Variants in KMT2C observed in about 807,000 individuals in gnomAD.
KMT2C encodes histone-lysine N-methyltransferase 2C.
Under a neutral mutation model 507.9 loss-of-function variants are expected in KMT2C, and 88 were observed. The observed-to-expected ratio is 0.17, with a 90% CI of 0.15 to 0.21. The LOEUF is 0.21. Ranked by LOEUF, KMT2C falls within the 10% of genes least tolerant of loss-of-function variation. The pLI is 1.00. For synonymous variants in KMT2C, 2,049 were observed against 2,080.8 expected, an observed-to-expected ratio of 0.98 and a Z score of 0.42; for missense variants, 4,954 against 5,957.8, an observed-to-expected ratio of 0.83 and a Z score of 5.55.
intron 27 of KMT2C, among the ~76,000 whole-genome samples, chr7:152,197,926 A>T (rs1788792440): frequency 6.6e-6 from 1 of 151,918 alleles, no homozygotes; most frequent in Admixed American, 6.5e-5. Flanking sequence ...GGAAAAAAAT[A>T]AATAAAGAAA....
intron 53 of KMT2C, 58 bp from the exon 54 acceptor site, chr7:152,145,353 C>A (rs2090996173): frequency 1.3e-6 from 2 of 1,558,144 alleles, no homozygotes; most frequent in African/African-American, 2.7e-5. Flanking sequence ...TACAGACAAT[C>A]TCAAGCTGGT....
Position 152,162,840 on chromosome 7 carries a change from T to C in KMT2C, c.10737A>G (p.Gly3579=), listed in dbSNP as rs978036694. 9 of 1,614,192 alleles carry C rather than the reference T, an allele frequency of 5.6e-6. No individual in the cohort carries two copies. Among genetic ancestry groups the C allele is most frequent in the Non-Finnish European group, 7.6e-6 (9 of 1,180,032 alleles). ...PCGQDSTITH[G]HSYPGSTQSL... ...ATTGGGTTGATCCCGGATAACTGTG[T>C]CCATGGGTTATAGTAGAATCTTGGC... is the stretch of plus-strand genomic sequence containing the variant. The change falls in exon 43 of 59, where the codon GGA becomes GGG. Residue 3579 remains glycine (G), a synonymous_variant. Coordinates refer to ENST00000262189, the MANE Select transcript of KMT2C (RefSeq NM_170606.3).
In KMT2C at chr7:152,177,654, G is replaced by A. The variant is rs960435496; in HGVS notation, c.7799C>T (p.Pro2600Leu). 1.7e-5 allele frequency: 27 copies of A among 1,614,116 alleles called. No homozygotes were observed. Among genetic ancestry groups the A allele is most frequent in the East Asian group, 4.5e-5 (2 of 44,872 alleles). Reference sequence around the variant, plus strand: ...CATGGGGTCTGTGTGTCTAGGGCCCGGAAAGTCTGGCCGGGGAATGAAGTT... The same window carrying A: ...CATGGGGTCTGTGTGTCTAGGGCCCAGAAAGTCTGGCCGGGGAATGAAGTT... The part of the protein sequence containing the change: ...HGNFIPRPDF[P>L]GPRHTDPMRR... Residue 2600 changes from proline (P) to leucine (L), a missense_variant, in exon 38 of 59, where the codon CCG becomes CTG. Physicochemically the swap from Pro to Leu is moderately conservative, Grantham distance 98. This residue lies in a region of KMT2C where 1,689 missense variants were observed against 1,654.3 expected (regional missense o/e 1.02). Coordinates refer to ENST00000262189, the MANE Select transcript of KMT2C (RefSeq NM_170606.3).
intron 6 of KMT2C, 96 bp downstream of exon 6, chr7:152,309,870 A>G: frequency 2.6e-6 from 2 of 780,364 alleles, no homozygotes. Flanking sequence ...GAGAGCTTTT[A>G]CACTACAGCA....
intron 1 of KMT2C, among the ~76,000 whole-genome samples, chr7:152,411,101 T>C (rs1338281929): frequency 6.6e-6 from 1 of 152,140 alleles, no homozygotes. Context: ...TACTTAATGC[T>C]TTAATAAGGT....
chr7:152,369,494 A>G (rs756645054), intron 1 of KMT2C, among the ~76,000 whole-genome samples: 4 of 152,206 alleles, frequency 2.6e-5, no homozygotes, highest in Admixed American at 6.5e-5. Context: ...TATGGTTTGA[A>G]TATCATTTGT....
rs771178309 is a variant in KMT2C, at chr7:152,205,152, T to C, written c.3915A>G (p.Lys1305=). 25 of 1,612,312 alleles carry C rather than the reference T, an allele frequency of 1.6e-5. No individual in the cohort carries two copies. Among genetic ancestry groups the C allele is most frequent in the South Asian group, 1.4e-4 (13 of 91,036 alleles). Residue 1305 remains lysine, a synonymous_variant, in exon 25 of 59, where the codon AAA becomes AAG. Coordinates refer to ENST00000262189, the MANE Select transcript of KMT2C (RefSeq NM_170606.3). ...QGKTKRSVIR[K]DSSGSISEQL... ...GCTCGGAAATAGAGCCTGAGGAATC[T>C]TTTCTGATCACAGATCTTTTGGTTT...
chr7:152,183,949 G>A (rs937655428), intron 34 of KMT2C, among the ~76,000 whole-genome samples: 8 of 151,490 alleles, frequency 5.3e-5, no homozygotes, highest in African/African-American at 1.7e-4. Context: ...GCACATGCCT[G>A]TAATCCCAGC....
intron 3 of KMT2C, among the ~76,000 whole-genome samples, chr7:152,329,140 G>A (rs1013284559): frequency 6.6e-6 from 1 of 152,082 alleles, no homozygotes; most frequent in South Asian, 2.1e-4. Context: ...GAGACAAAAA[G>A]TAGACAAGAT....
chr7:152,323,361 G>A (rs945366454), intron 3 of KMT2C, among the ~76,000 whole-genome samples: 1 of 152,008 alleles, frequency 6.6e-6, no homozygotes, highest in African/African-American at 2.4e-5. Context: ...GGGAGGATGG[G>A]GAGTGGTGGC....
intron 6 of KMT2C, among the ~76,000 whole-genome samples, chr7:152,296,995 GAA>G (rs756795851): frequency 2.6e-4 from 8 of 30,550 alleles, no homozygotes; most frequent in African/African-American, 6.6e-4. Context: ...AAGAAAGAAA[GAA>G]AAAGAAAGAA....
chr7:152,152,931 T>C lies in KMT2C; in HGVS notation c.12300A>G (p.Ala4100=). The part of the protein sequence containing the change: ...AAENISSVVA[A]FSDLLHVRIP... ...TTCGGACGTGAAGAAGGTCGGAAAA[T>C]GCAGCCACAACACTGCTAATGTTCT... Residue 4100 remains alanine, a synonymous_variant, in exon 49 of 59, where the codon GCA becomes GCG. Transcript: ENST00000262189. 6.2e-7 allele frequency: 1 copy of C among 1,614,154 alleles called. No homozygotes were observed.
At chr7:152,330,134 C>T (rs900653666) in intron 3 of KMT2C, among the ~76,000 whole-genome samples, 10 of 110,758 alleles carry the variant, frequency 9.0e-5, no homozygotes, top group East Asian at 7.5e-4. Context: ...CAGAGCAAGA[C>T]GCCATCTCAA....
intron 1 of KMT2C, chr7:152,367,481 G>A (rs766243223): frequency 1.1e-4 from 91 of 849,672 alleles, no homozygotes; most frequent in Non-Finnish European, 9.0e-5. Context: ...GCCTCCCAAA[G>A]TTCTGGGATT....
chr7:152,163,065 A>G lies in KMT2C; in HGVS notation c.10512T>C (p.Thr3504=). 1 of 1,614,218 alleles carries G rather than the reference A, an allele frequency of 6.2e-7. No homozygotes were observed. The highest frequency in any genetic ancestry group is 1.1e-5 in the South Asian group (1 of 91,088). ...GAGGGCCTACCTGCCTTCGCTCATT[A>G]GTCTGCATGAAAGTTTGGGTGGAGG... The part of the protein sequence containing the change: ...NSPSTQTFMQ[T]NERRQVGPPS... Residue 3504 remains threonine, a synonymous_variant, in exon 43 of 59, where the codon ACT becomes ACC. Transcript: ENST00000262189.
intron 9 of KMT2C, among the ~76,000 whole-genome samples, chr7:152,254,685 T>G (rs2129167876): frequency 6.6e-6 from 1 of 152,290 alleles, no homozygotes; most frequent in Admixed American, 6.5e-5. Context: ...GGGTGCCTAT[T>G]ATCTCCACTA....
intron 1 of KMT2C, among the ~76,000 whole-genome samples, chr7:152,413,219 A>G (rs987308330): frequency 1.3e-5 from 2 of 152,136 alleles, no homozygotes; most frequent in African/African-American, 4.8e-5. Flanking sequence ...GGTTCACGTC[A>G]TCTTCCCACC....
chr7:152,212,899 G>A (rs2094486930), intron 23 of KMT2C, among the ~76,000 whole-genome samples: 1 of 152,214 alleles, frequency 6.6e-6, no homozygotes, highest in African/African-American at 2.4e-5. Context: ...AAATTGGCCA[G>A]GCAGGCGTGG....
chr7:152,181,931 G>T lies in KMT2C; in HGVS notation c.5929C>A (p.Gln1977Lys). ...PDTPRPVMTD[Q>K]FPKSLGLSRS... ...GATAGGCCCAAGGATTTGGGAAATT[G>T]ATCTGTCATCACAGGCCTAGGTGTG... Residue 1977 changes from glutamine (Q) to lysine (K), a missense_variant, in exon 36 of 59, where the codon CAA (glutamine) becomes AAA (lysine). Gln to Lys is a moderately conservative substitution (Grantham distance 53). Transcript: ENST00000262189. 1 of 1,614,170 alleles carries T rather than the reference G, an allele frequency of 6.2e-7. No homozygotes were observed. Among genetic ancestry groups the T allele is most frequent in the Non-Finnish European group, 8.5e-7 (1 of 1,180,032 alleles).
Sources: gnomAD v4.1 joint callset for allele counts (sites outside exome capture counted in the v4.1 genomes callset) on GRCh38, gnomAD v4.1.1 for gene constraint, gnomAD v4.1.1 regional missense constraint, MANE v1.5 for transcripts, NCBI Gene and HGNC (gene_info 2026-07-23, HGNC 2026-07-21) for gene names.